The following MAP3K5 variants were observed in gnomAD, a reference collection of about 807,000 sequenced individuals.
The protein encoded by MAP3K5 is mitogen-activated protein kinase kinase kinase 5.
Under a neutral mutation model 158.7 loss-of-function variants are expected in MAP3K5, and 56 were observed. That is an observed-to-expected ratio of 0.35 (90% CI 0.28 to 0.44). MAP3K5 has a LOEUF of 0.44. Ranked by LOEUF, MAP3K5 falls within the 20% of genes least tolerant of loss-of-function variation. MAP3K5 has a pLI of 1.00. For missense variants in MAP3K5, 1,294 were observed against 1,674.8 expected (o/e 0.77, Z 3.97); for synonymous variants, 579 against 601.7 (o/e 0.96, Z 0.55).
At chr6:136,754,457 T>C (rs1264660735) in intron 1 of MAP3K5, among the ~76,000 whole-genome samples, 2 of 151,952 alleles carry the variant, frequency 1.3e-5, no homozygotes, top group East Asian at 1.9e-4. Flanking sequence ...CACATGTCTA[T>C]AGTCCTAGCT....
At chr6:136,596,262 G>A (rs896977086) in intron 21 of MAP3K5, among the ~76,000 whole-genome samples, 1 of 152,186 alleles carries the variant, frequency 6.6e-6, no homozygotes, top group African/African-American at 2.4e-5. Context: ...TGTCATGGAA[G>A]CCCACACAGG....
intron 14 of MAP3K5, chr6:136,637,077 G>C: frequency 7.4e-7 from 1 of 1,359,076 alleles, no homozygotes; most frequent in East Asian, 2.8e-5. Context: ...CACTGTCATA[G>C]ATAAAGCATA....
chr6:136,652,474 G>T (rs551846601), intron 10 of MAP3K5, among the ~76,000 whole-genome samples: 2 of 152,198 alleles, frequency 1.3e-5, no homozygotes, highest in South Asian at 2.1e-4. Context: ...AGACATAAGC[G>T]GTAATGATGA....
intron 14 of MAP3K5, among the ~76,000 whole-genome samples, chr6:136,629,763 C>T (rs1461793178): frequency 3.6e-5 from 5 of 138,866 alleles, no homozygotes; most frequent in South Asian, 2.4e-4. Context: ...CATATCTCAC[C>T]TTCATTTATT....
At chr6:136,665,145 A>T (rs995203361) in intron 8 of MAP3K5, among the ~76,000 whole-genome samples, 2 of 152,224 alleles carry the variant, frequency 1.3e-5, no homozygotes, top group African/African-American at 4.8e-5. Context: ...TAAAAGGGGT[A>T]AAATGTAAAT....
chr6:136,730,153 G>GTTTTTTTTTT (rs60058823), intron 1 of MAP3K5, among the ~76,000 whole-genome samples: 1 of 133,392 alleles, frequency 7.5e-6, no homozygotes, highest in Non-Finnish European at 1.6e-5. Context: ...TTGTTTGGTT[G>GTTTTTTTTTT]TTTTTTTTTT....
At chr6:136,698,259 T>C (rs561834703) in intron 4 of MAP3K5, among the ~76,000 whole-genome samples, 1 of 152,334 alleles carries the variant, frequency 6.6e-6, no homozygotes, top group East Asian at 1.9e-4. Context: ...CTACCATCAC[T>C]ATAAAGCGGT....
At chr6:136,600,043 T>C (rs376092364) in intron 21 of MAP3K5, among the ~76,000 whole-genome samples, 2 of 152,264 alleles carry the variant, frequency 1.3e-5, no homozygotes, top group East Asian at 3.9e-4. Context: ...GCCTCTACTC[T>C]GGGCTGACTG....
chr6:136,675,330 C>A (rs932463612), intron 7 of MAP3K5, among the ~76,000 whole-genome samples: 3 of 151,954 alleles, frequency 2.0e-5, no homozygotes, highest in Non-Finnish European at 2.9e-5. Flanking sequence ...ACATTATTAG[C>A]CAAGTTCATC....
Position 136,639,576 on chromosome 6 carries a change from T to G in MAP3K5, c.1901A>C (p.Gln634Pro). Reference protein sequence around the residue: ...LYVLHNSDDFQIYFCTELHCK... With the variant: ...LYVLHNSDDFPIYFCTELHCK... ...ATGAAGTTCTGTACAGAAATAGATT[T>G]GGAAATCATCAGAATTGTGAAGCAC... is the stretch of plus-strand genomic sequence containing the variant. The change falls in exon 13 of 30, where the codon CAA becomes CCA. Residue 634 changes from glutamine (Q) to proline (P), a missense_variant. Coordinates refer to ENST00000359015, the MANE Select transcript of MAP3K5 (RefSeq NM_005923.4). 1 of 1,599,300 alleles carries G rather than the reference T, an allele frequency of 6.3e-7. No homozygotes were observed. Among genetic ancestry groups the G allele is most frequent in the South Asian group, 1.1e-5 (1 of 87,612 alleles).
intron 12 of MAP3K5, among the ~76,000 whole-genome samples, chr6:136,641,966 C>T (rs541602185): frequency 3.0e-5 from 4 of 132,154 alleles, no homozygotes; most frequent in African/African-American, 8.5e-5. Flanking sequence ...CCAGCCTGGG[C>T]GAAAACAGCA....
chr6:136,681,806 C>A (rs373756163), intron 7 of MAP3K5, among the ~76,000 whole-genome samples: 33 of 152,046 alleles, frequency 2.2e-4, no homozygotes, highest in Admixed American at 1.0e-3. Context: ...GTAGTCCCAG[C>A]TACTTGGGAG....
At position 136,639,543 on chromosome 6, in the gene MAP3K5, T is replaced by C. The variant is rs1021279228; in HGVS notation, c.1934A>G (p.Lys645Arg). Residue 645 changes from lysine to arginine, a missense_variant and splice_region_variant, in exon 13 of 30, where the codon AAG becomes AGG. By Grantham distance (26) the Lys-to-Arg change is conservative (BLOSUM62 2). Around this residue, in one of 5 missense-constraint regions of MAP3K5, gnomAD observed 690 missense variants for 870.5 expected, o/e 0.79. Transcript: ENST00000359015. ...TTCACACACAATGACTAATACGTAC[T>C]TTTTACAATGAAGTTCTGTACAGAA... ...IYFCTELHCK[K>R]FFEMVNTITE... The C allele has an allele frequency of 6.4e-7, 1 of 1,555,694 alleles. No individual in the cohort carries two copies. Among genetic ancestry groups the C allele is most frequent in the Non-Finnish European group, 8.8e-7 (1 of 1,138,664 alleles).
chr6:136,569,700 T>G (rs1034955133), intron 25 of MAP3K5, among the ~76,000 whole-genome samples: 1 of 152,196 alleles, frequency 6.6e-6, no homozygotes, highest in Non-Finnish European at 1.5e-5. Context: ...CCTGGGTACA[T>G]GTTTTCAGGA....
chr6:136,659,628 A>T (rs1778916013), intron 8 of MAP3K5, among the ~76,000 whole-genome samples: 2 of 152,208 alleles, frequency 1.3e-5, no homozygotes, highest in Non-Finnish European at 2.9e-5. Context: ...AAAAAGACAA[A>T]GGTTGAGTGA....
intron 25 of MAP3K5, chr6:136,579,896 A>AGC (rs1774793301): frequency 2.2e-6 from 1 of 456,800 alleles, no homozygotes; most frequent in African/African-American, 2.0e-5. Context: ...TTTTAAAGAC[A>AGC]ATTAAATTGC....
At chr6:136,580,192 A>T in intron 25 of MAP3K5, 109 bp downstream of exon 25, 1 of 713,342 alleles carries the variant, frequency 1.4e-6, no homozygotes, top group Non-Finnish European at 2.4e-6. Context: ...TCTTTAAAAA[A>T]GGGTATTATG....
chr6:136,765,048 A>C (rs1036298044), intron 1 of MAP3K5, among the ~76,000 whole-genome samples: 1 of 152,232 alleles, frequency 6.6e-6, no homozygotes, highest in Non-Finnish European at 1.5e-5. Context: ...CTTTTTATAC[A>C]GTATCCTAAC....
rs1000630430 is a variant in MAP3K5, at chr6:136,590,641, C to T, written c.3225+1532G>A. Among the ~76,000 whole-genome samples the T allele has an allele frequency of 1.4e-4, 22 of 151,822 alleles. No individual in the cohort carries two copies. In the South Asian group the frequency reaches 1.9e-3, roughly 13 times the overall value. On this transcript the variant is annotated intron_variant, in intron 23 of 29. Coordinates refer to ENST00000359015, the MANE Select transcript of MAP3K5 (RefSeq NM_005923.4). ...CTGCAAGCTCCGCCTCCAGGGTTCA[C>T]GCCATTCTCCTGCCTCAGACTCCCA...
Sources: gnomAD v4.1 joint callset for allele counts (sites outside exome capture counted in the v4.1 genomes callset) on GRCh38, gnomAD v4.1.1 for gene constraint, gnomAD v4.1.1 regional missense constraint, MANE v1.5 for transcripts, NCBI Gene and HGNC (gene_info 2026-07-23, HGNC 2026-07-21) for gene names.